Variants in AGBL4 observed in about 807,000 individuals in gnomAD.
AGBL4 encodes cytosolic carboxypeptidase 6.
Under a neutral mutation model 66.4 loss-of-function variants are expected in AGBL4, and 58 were observed. The ratio of observed to expected loss-of-function variants is 0.87; its 90% CI spans 0.71 to 1.09. The LOEUF (loss-of-function observed/expected upper bound fraction) is 1.09, where lower values mean the gene tolerates loss of function less well. AGBL4 is among the 50% of genes least tolerant of loss of function. The probability of loss-of-function intolerance (pLI) is 0.00; values close to 1 mark genes in which losing one functional copy is unlikely to be tolerated. For synonymous variants in AGBL4, 234 were observed against 222.9 expected, an observed-to-expected ratio of 1.05 and a Z score of -0.44; for missense variants, 579 against 631.0, an observed-to-expected ratio of 0.92 and a Z score of 0.88.
chr1:49,074,204 A>T (rs1644666870), intron 4 of AGBL4, among the ~76,000 whole-genome samples: 1 of 152,170 alleles, frequency 6.6e-6, no homozygotes, highest in Non-Finnish European at 1.5e-5. Context: ...TGAGCCAGGC[A>T]CCGGAGGGAA....
At chr1:48,753,299 G>C (rs1484774680) in intron 6 of AGBL4, among the ~76,000 whole-genome samples, 1 of 152,158 alleles carries the variant, frequency 6.6e-6, no homozygotes, top group African/African-American at 2.4e-5. Context: ...ACCTGAGAAG[G>C]GTTAAACAAA....
At chr1:49,639,853 A>C (rs1412891254) in intron 3 of AGBL4, among the ~76,000 whole-genome samples, 1 of 152,232 alleles carries the variant, frequency 6.6e-6, no homozygotes, top group African/African-American at 2.4e-5. Context: ...GCTTTAAAAA[A>C]TAAACAGAAT....
intron 11 of AGBL4, among the ~76,000 whole-genome samples, chr1:48,561,313 T>G (rs1486783277): frequency 6.6e-6 from 1 of 152,150 alleles, no homozygotes. Context: ...CTTTCTTTCT[T>G]TTGTAAAAGG....
intron 3 of AGBL4, among the ~76,000 whole-genome samples, chr1:49,406,588 T>C (rs937303993): frequency 6.6e-6 from 1 of 152,162 alleles, no homozygotes; most frequent in African/African-American, 2.4e-5. Context: ...TACAATAATA[T>C]GTGATAACCC....
chr1:48,623,052 C>T (rs1645442067), intron 9 of AGBL4, among the ~76,000 whole-genome samples: 1 of 152,140 alleles, frequency 6.6e-6, no homozygotes, highest in Non-Finnish European at 1.5e-5. Context: ...GAGAGAAGCC[C>T]CCTCAGACCC....
At chr1:49,013,591 T>G (rs1457104730) in intron 5 of AGBL4, among the ~76,000 whole-genome samples, 1 of 152,188 alleles carries the variant, frequency 6.6e-6, no homozygotes, top group Non-Finnish European at 1.5e-5. Context: ...GTTTCCTCAT[T>G]TATTGTCCCT....
At chr1:49,166,057 T>C (rs1646628387) in intron 4 of AGBL4, among the ~76,000 whole-genome samples, 3 of 152,192 alleles carry the variant, frequency 2.0e-5, no homozygotes, top group Admixed American at 2.0e-4. Context: ...GACTGCATCT[T>C]GTGGACCTTA....
intron 3 of AGBL4, among the ~76,000 whole-genome samples, chr1:49,401,963 A>C (rs1197821630): frequency 1.3e-5 from 2 of 152,300 alleles, no homozygotes; most frequent in African/African-American, 4.8e-5. Flanking sequence ...ATTTATTAGC[A>C]TATAGTTGCA....
At chr1:49,222,427 T>C (rs1649571160) in intron 4 of AGBL4, among the ~76,000 whole-genome samples, 2 of 152,120 alleles carry the variant, frequency 1.3e-5, no homozygotes, top group Admixed American at 1.3e-4. Context: ...ATAACAAAAA[T>C]AAAGACTTAT....
chr1:49,629,661 G>A (rs1287072267), intron 3 of AGBL4, among the ~76,000 whole-genome samples: 1 of 152,082 alleles, frequency 6.6e-6, no homozygotes, highest in Non-Finnish European at 1.5e-5. Flanking sequence ...TTGATGCTTT[G>A]TCAATAGTAC....
rs115840358 is a variant in AGBL4, at chr1:48,565,958, C to T, written c.1267+21046G>A. ...TGAAGTATGGGCTTCACAATTCTCT[C>T]GAAATCATACTAAGGATATCCTAGA... On this transcript the variant is annotated intron_variant, in intron 11 of 13. Coordinates refer to ENST00000371839, the MANE Select transcript of AGBL4 (RefSeq NM_032785.4). 4.1e-3 allele frequency among the ~76,000 whole-genome samples: 630 copies of T among 152,184 alleles called. 3 individuals are homozygous for T. The highest frequency in any genetic ancestry group is 0.017 in the South Asian group (83 of 4,808).
At chr1:48,898,573 T>C (rs1651763770) in intron 5 of AGBL4, among the ~76,000 whole-genome samples, 1 of 152,218 alleles carries the variant, frequency 6.6e-6, no homozygotes, top group Admixed American at 6.5e-5. Context: ...CTTTCCTCAT[T>C]GTATGTTCTT....
chr1:49,882,865 G>A (rs1221249823), intron 1 of AGBL4, among the ~76,000 whole-genome samples: 2 of 152,148 alleles, frequency 1.3e-5, no homozygotes, highest in African/African-American at 4.8e-5. Flanking sequence ...CAAGAGCACT[G>A]ATAGCATTTG....
At chr1:49,345,116 T>C (rs1257739458) in intron 3 of AGBL4, among the ~76,000 whole-genome samples, 1 of 152,196 alleles carries the variant, frequency 6.6e-6, no homozygotes, top group Non-Finnish European at 1.5e-5. Context: ...ATTTGGTATA[T>C]TGAAATAATA....
chr1:49,372,634 T>G (rs940764520), intron 3 of AGBL4, among the ~76,000 whole-genome samples: 1 of 135,036 alleles, frequency 7.4e-6, no homozygotes, highest in Non-Finnish European at 1.5e-5. Context: ...TTTCTTTCTT[T>G]CTTTCTTTCT....
At chr1:48,701,931 A>G (rs561546354) in intron 6 of AGBL4, among the ~76,000 whole-genome samples, 2 of 152,372 alleles carry the variant, frequency 1.3e-5, no homozygotes, top group East Asian at 3.9e-4. Context: ...ATGTTATACT[A>G]TTGGTATAGT....
intron 3 of AGBL4, among the ~76,000 whole-genome samples, chr1:49,463,539 T>C (rs1451136545): frequency 6.6e-6 from 1 of 151,734 alleles, no homozygotes; most frequent in Non-Finnish European, 1.5e-5. Context: ...GGGTCTCTTT[T>C]AAGATAAAAA....
At chr1:49,834,450 G>C (rs1269339533) in intron 2 of AGBL4, among the ~76,000 whole-genome samples, 1 of 152,056 alleles carries the variant, frequency 6.6e-6, no homozygotes, top group Non-Finnish European at 1.5e-5. Flanking sequence ...ATTTATTATT[G>C]TGTCTATTTG....
intron 3 of AGBL4, among the ~76,000 whole-genome samples, chr1:49,629,633 T>C (rs1645531717): frequency 6.6e-6 from 1 of 152,180 alleles, no homozygotes; most frequent in Admixed American, 6.5e-5. Flanking sequence ...TTTCGGGTCA[T>C]TGAATATAAT....
Sources: allele counts gnomAD v4.1 joint callset (sites outside exome capture counted in the v4.1 genomes callset), GRCh38; gene constraint gnomAD v4.1.1; transcripts MANE v1.5; gene names NCBI Gene and HGNC (gene_info 2026-07-23, HGNC 2026-07-21).